Variants in FILIP1L observed in about 807,000 individuals in gnomAD.
FILIP1L encodes the protein filamin A-interacting protein 1-like.
In FILIP1L, 55 loss-of-function variants were observed where a neutral mutation model predicts 96.6. The ratio of observed to expected loss-of-function variants is 0.57; its 90% confidence interval spans 0.46 to 0.71. The LOEUF is 0.71. FILIP1L is among the 30% of genes least tolerant of loss of function. FILIP1L has a pLI of 0.00. For synonymous variants in FILIP1L, 467 were observed against 473.9 expected (o/e 0.99, Z 0.19); for missense variants, 1,304 against 1,321.2 (o/e 0.99, Z 0.20).
chr3:100,060,783 G>A (rs780950146), intron 1 of FILIP1L, among the ~76,000 whole-genome samples: 1 of 152,120 alleles, frequency 6.6e-6, no homozygotes, highest in African/African-American at 2.4e-5. Context: ...GATAACGAGC[G>A]TGGGAGGCGG....
chr3:100,038,581 A>G (rs909575633), intron 1 of FILIP1L, among the ~76,000 whole-genome samples: 7 of 152,220 alleles, frequency 4.6e-5, no homozygotes, highest in African/African-American at 7.2e-5. Flanking sequence ...GTACTTTTGT[A>G]GGGACTGGAA....
At chr3:99,965,337 A>T (rs2107709128) in intron 1 of FILIP1L, among the ~76,000 whole-genome samples, 1 of 152,292 alleles carries the variant, frequency 6.6e-6, no homozygotes, top group African/African-American at 2.4e-5. Flanking sequence ...CTGTGTTCTT[A>T]CTGGTGCAGG....
At chr3:99,925,917 C>T in intron 3 of FILIP1L, 1 of 981,898 alleles carries the variant, frequency 1.0e-6, no homozygotes, top group Non-Finnish European at 1.2e-6. Context: ...TAAGCTGCCA[C>T]CAGAAAAACA....
chr3:99,930,017 C>T lies in FILIP1L; in HGVS notation c.265G>A (p.Val89Ile). 1.2e-6 allele frequency: 2 copies of T among 1,610,316 alleles called. No homozygotes were observed. Among genetic ancestry groups the T allele is most frequent in the South Asian group, 1.1e-5 (1 of 90,442 alleles). The change falls in exon 3 of 6, where the codon GTC (valine) becomes ATC (isoleucine). Residue 89 changes from valine to isoleucine, a missense_variant. Val to Ile is a conservative substitution (Grantham distance 29). Coordinates refer to ENST00000477258, the MANE Select transcript of FILIP1L (RefSeq NM_001387850.1). ...TTTTCAGCCTTTAAAATGCCTATGA[C>T]CTCATCTCGAGCCTGTAGGAACAAA... ...LEGELQARDE[V>I]IGILKAEKMD...
At chr3:99,983,689 C>CAA (rs533900254) in intron 1 of FILIP1L, among the ~76,000 whole-genome samples, 1 of 89,950 alleles carries the variant, frequency 1.1e-5, no homozygotes, top group Non-Finnish European at 2.3e-5. Flanking sequence ...GACTCAGTCT[C>CAA]AAAAAAAAAA....
intron 4 of FILIP1L, among the ~76,000 whole-genome samples, chr3:99,893,525 A>C (rs1432526911): frequency 6.6e-6 from 1 of 152,158 alleles, no homozygotes; most frequent in Non-Finnish European, 1.5e-5. Flanking sequence ...TGTTCATTTT[A>C]TAGAATTTGA....
chr3:99,987,430 G>A (rs1709375334), intron 1 of FILIP1L, among the ~76,000 whole-genome samples: 1 of 150,600 alleles, frequency 6.6e-6, no homozygotes, highest in Non-Finnish European at 1.5e-5. Flanking sequence ...TCGGGAGGCT[G>A]AGACAGGAGA....
At chr3:99,871,689 T>G (rs937789207) in intron 4 of FILIP1L, among the ~76,000 whole-genome samples, 3 of 152,060 alleles carry the variant, frequency 2.0e-5, no homozygotes, top group Admixed American at 6.6e-5. Flanking sequence ...GTCTGAGGAG[T>G]GCAAAATGCT....
intron 1 of FILIP1L, among the ~76,000 whole-genome samples, chr3:99,956,599 G>A (rs1341313398): frequency 1.3e-5 from 2 of 152,090 alleles, no homozygotes; most frequent in Non-Finnish European, 2.9e-5. Flanking sequence ...CACCTGCCTC[G>A]GCCTTCCAAA....
At chr3:100,058,420 A>G (rs954418375) in intron 1 of FILIP1L, among the ~76,000 whole-genome samples, 9 of 152,234 alleles carry the variant, frequency 5.9e-5, no homozygotes, top group Non-Finnish European at 1.2e-4. Context: ...GCAGGCAGAG[A>G]AAAGTTGACA....
rs991271592 is a variant in FILIP1L at position 100,094,410 on chromosome 3, A to G, written c.-11+19643T>C. ...TTTCATTCCCTTAACAGGATCTTTC[A>G]TGTGGCAAAAGTCTTTTGTTTTGAT... On this transcript the variant is annotated intron_variant, in intron 1 of 5. Coordinates refer to ENST00000477258, the MANE Select transcript of FILIP1L (RefSeq NM_001387850.1). Among the ~76,000 whole-genome samples, 13 of 152,104 alleles carry G rather than the reference A, an allele frequency of 8.5e-5. 1 individual carries two copies. The highest frequency in any genetic ancestry group is 2.9e-4 in the African/African-American group (12 of 41,426).
At position 100,087,948 on chromosome 3, in the gene FILIP1L, A is replaced by G. The variant is rs1031542313; in HGVS notation, c.-11+26105T>C. 4.0e-5 allele frequency among the ~76,000 whole-genome samples: 6 copies of G among 149,484 alleles called. No individual in the cohort carries two copies. The Admixed American group carries it at 4.1e-4, about 10-fold the overall frequency. ...AGGGTTCAAGCAATTCTCCTGCCTCAGCCTCTCAAGTAGCTGGGATTACAG... is the reference window on the plus strand; with the variant it reads ...AGGGTTCAAGCAATTCTCCTGCCTCGGCCTCTCAAGTAGCTGGGATTACAG... On this transcript the variant is annotated intron_variant, in intron 1 of 5. Transcript: ENST00000477258.
At chr3:99,976,734 GT>G (rs1284332413) in intron 1 of FILIP1L, among the ~76,000 whole-genome samples, 1 of 151,926 alleles carries the variant, frequency 6.6e-6, no homozygotes, top group Admixed American at 6.6e-5. Flanking sequence ...TTTTATTGTT[GT>G]TACTTACCCT....
At chr3:100,095,810 A>G (rs1183910869) in intron 1 of FILIP1L, among the ~76,000 whole-genome samples, 1 of 152,192 alleles carries the variant, frequency 6.6e-6, no homozygotes, top group Non-Finnish European at 1.5e-5. Flanking sequence ...CCAGCAAAGG[A>G]AACAATCAAC....
chr3:100,012,779 T>TTTTGGGGGG (rs1710197030), intron 1 of FILIP1L, among the ~76,000 whole-genome samples: 1 of 134,766 alleles, frequency 7.4e-6, no homozygotes, highest in Non-Finnish European at 1.6e-5. Context: ...TTTTTTTTTT[T>TTTTGGGGGG]GGGTTGGGGG....
chr3:100,100,266 C>T (rs1449292807), intron 1 of FILIP1L, among the ~76,000 whole-genome samples: 1 of 152,094 alleles, frequency 6.6e-6, no homozygotes, highest in Admixed American at 6.5e-5. Flanking sequence ...AGAGATAGAA[C>T]AGGACTTAGA....
chr3:99,875,358 C>A (rs1705458609), intron 4 of FILIP1L, among the ~76,000 whole-genome samples: 1 of 152,094 alleles, frequency 6.6e-6, no homozygotes, highest in Admixed American at 6.5e-5. Context: ...TTTAAATTGG[C>A]ATTTTTTACA....
chr3:100,025,405 C>T (rs1190125831), intron 1 of FILIP1L: 1 of 152,104 alleles, frequency 6.6e-6, no homozygotes, highest in African/African-American at 2.4e-5. Flanking sequence ...AATCACTTTC[C>T]TTCTTCTCTT....
chr3:99,851,936 G>A (rs1270840809), intron 4 of FILIP1L, among the ~76,000 whole-genome samples: 5 of 152,210 alleles, frequency 3.3e-5, no homozygotes, highest in African/African-American at 1.2e-4. Context: ...ATGCGGTTTG[G>A]TAGGAAAGTG....
Sources: allele counts gnomAD v4.1 joint callset (sites outside exome capture counted in the v4.1 genomes callset), GRCh38; gene constraint gnomAD v4.1.1; transcripts MANE v1.5; gene names NCBI Gene and HGNC (gene_info 2026-07-23, HGNC 2026-07-21).